Variants in HMGCLL1 observed in about 807,000 individuals in gnomAD.
HMGCLL1 encodes 3-hydroxymethyl-3-methylglutaryl-CoA lyase, cytoplasmic.
Under a neutral mutation model 39.1 loss-of-function variants are expected in HMGCLL1, and 36 were observed. The observed-to-expected ratio is 0.92, with a 90% confidence interval of 0.71 to 1.22. The LOEUF is 1.22. Among genes scored for constraint, HMGCLL1 ranks in the 50% most tolerant of loss-of-function variants. The pLI is 0.00. For missense variants in HMGCLL1, 451 were observed against 416.5 expected, an observed-to-expected ratio of 1.08 and a Z score of -0.72; for synonymous variants, 149 against 144.0, an observed-to-expected ratio of 1.03 and a Z score of -0.25.
Position 55,495,491 on chromosome 6 carries a change from T to G in HMGCLL1, c.723A>C (p.Pro241=). The part of the protein sequence containing the change: ...RMLESVMKEI[P]PGALAVHCHD... ...GACAGTGAACAGCAAGAGCACCTGG[T>G]GGGATTTCTTTCATCACACTTTCCA... The change falls in exon 7 of 9, where the codon CCA becomes CCC. Residue 241 remains proline, a synonymous_variant. Transcript: ENST00000274901. 1 of 1,614,054 alleles carries G rather than the reference T, an allele frequency of 6.2e-7. No individual in the cohort carries two copies. The highest frequency in any genetic ancestry group is 8.5e-7 in the Non-Finnish European group (1 of 1,179,958).
chr6:55,632,334 T>A, the HMGCLL1 span, among the ~76,000 whole-genome samples: 16 of 151,622 alleles, frequency 1.1e-4, no homozygotes, highest in Non-Finnish European at 1.5e-5. Flanking sequence ...ATACAGCTAC[T>A]CATAATAAGC....
intron 1 of HMGCLL1, among the ~76,000 whole-genome samples, chr6:55,575,808 T>A (rs542955728): frequency 3.3e-5 from 5 of 152,296 alleles, no homozygotes; most frequent in African/African-American, 9.6e-5. Flanking sequence ...GGTGCTAAGA[T>A]CAAACTCTAT....
upstream of HMGCLL1, among the ~76,000 whole-genome samples, chr6:55,581,822 C>T (rs1277001112): frequency 3.3e-5 from 5 of 151,848 alleles, no homozygotes; most frequent in African/African-American, 1.2e-4. Context: ...TATTTCATTG[C>T]ATTTTACTCA....
the HMGCLL1 span, among the ~76,000 whole-genome samples, chr6:55,608,455 G>T: frequency 1.1e-4 from 16 of 151,974 alleles, no homozygotes; most frequent in Non-Finnish European, 1.3e-4. Context: ...GCATTTTTCA[G>T]TTAAAGTTCC....
chr6:55,436,384 G>A (rs749118201), intron 8 of HMGCLL1, among the ~76,000 whole-genome samples: 2 of 151,956 alleles, frequency 1.3e-5, no homozygotes, highest in Non-Finnish European at 2.9e-5. Flanking sequence ...GTATAAATAG[G>A]ATCAACAAAA....
At chr6:55,566,592 G>A (rs1771226399) in intron 1 of HMGCLL1, 1 of 455,780 alleles carries the variant, frequency 2.2e-6, no homozygotes, top group African/African-American at 2.0e-5. Flanking sequence ...TAACCCTGAG[G>A]GGATCATTAC....
chr6:55,552,464 A>AT (rs1770391406), intron 1 of HMGCLL1, among the ~76,000 whole-genome samples: 1 of 151,944 alleles, frequency 6.6e-6, no homozygotes, highest in Non-Finnish European at 1.5e-5. Context: ...TAAAAAATAT[A>AT]TTTTCCATCC....
intron 5 of HMGCLL1, among the ~76,000 whole-genome samples, chr6:55,511,198 A>T (rs1206253626): frequency 1.3e-5 from 2 of 152,112 alleles, no homozygotes; most frequent in Non-Finnish European, 2.9e-5. Flanking sequence ...AATTATCTAG[A>T]TTTAAAAAAA....
intron 1 of HMGCLL1, among the ~76,000 whole-genome samples, chr6:55,571,101 T>G (rs1433854877): frequency 6.6e-6 from 1 of 152,204 alleles, no homozygotes; most frequent in African/African-American, 2.4e-5. Context: ...GAGCTACAAT[T>G]CAAGTGAGAT....
intron 3 of HMGCLL1, among the ~76,000 whole-genome samples, chr6:55,525,514 T>C (rs1357554718): frequency 2.0e-5 from 3 of 151,932 alleles, no homozygotes; most frequent in Non-Finnish European, 4.4e-5. Context: ...TTTATCTTGT[T>C]AACTAAGCCA....
chr6:55,529,068 G>A (rs1768487367), intron 3 of HMGCLL1, among the ~76,000 whole-genome samples: 1 of 152,068 alleles, frequency 6.6e-6, no homozygotes. Flanking sequence ...AGTTTCCTAA[G>A]ATAAACATAA....
chr6:55,458,242 C>A (rs1042532328), intron 7 of HMGCLL1, among the ~76,000 whole-genome samples: 1 of 150,924 alleles, frequency 6.6e-6, no homozygotes, highest in African/African-American at 2.5e-5. Flanking sequence ...TTATTGAGTT[C>A]TTATATTGTT....
At chr6:55,495,300 TAA>T in intron 7 of HMGCLL1, 117 bp downstream of exon 7, 1 of 822,652 alleles carries the variant, frequency 1.2e-6, no homozygotes, top group Non-Finnish European at 1.8e-6. Flanking sequence ...AGACACTGGT[TAA>T]AATTAGATTC....
intron 7 of HMGCLL1, 130 bp from the exon 8 acceptor site, chr6:55,439,689 C>T (rs955863888): frequency 1.1e-5 from 11 of 962,926 alleles, no homozygotes; most frequent in Non-Finnish European, 1.7e-5. Flanking sequence ...TTCACTTACC[C>T]AGTGGCCTCT....
intron 1 of HMGCLL1, among the ~76,000 whole-genome samples, chr6:55,565,803 T>C (rs9367642): frequency 0.43 from 65,349 of 151,780 alleles, 14,169 homozygotes; most frequent in East Asian, 0.55. Context: ...TAAGTGATAG[T>C]AGACATTCAT....
intron 1 of HMGCLL1, among the ~76,000 whole-genome samples, chr6:55,557,260 T>C (rs1247284349): frequency 6.6e-6 from 1 of 152,232 alleles, no homozygotes; most frequent in East Asian, 1.9e-4. Flanking sequence ...AATCTGATCC[T>C]GCTTAAGGGG....
At chr6:55,460,706 C>CAA (rs1764523834) in intron 7 of HMGCLL1, among the ~76,000 whole-genome samples, 2 of 151,974 alleles carry the variant, frequency 1.3e-5, no homozygotes, top group South Asian at 4.1e-4. Flanking sequence ...AAACACTTTT[C>CAA]TAAAATAAAT....
chr6:55,629,395 A>G, the HMGCLL1 span, among the ~76,000 whole-genome samples: 1 of 152,176 alleles, frequency 6.6e-6, no homozygotes, highest in African/African-American at 2.4e-5. Context: ...TCAAGAGATG[A>G]CCTGGGTGCT....
chr6:55,658,360 A>G, the HMGCLL1 span, among the ~76,000 whole-genome samples: 1 of 152,004 alleles, frequency 6.6e-6, no homozygotes, highest in African/African-American at 2.4e-5. Flanking sequence ...CAACAAAAAT[A>G]TCATCTCTGA....
Sources: allele counts gnomAD v4.1 joint callset (sites outside exome capture counted in the v4.1 genomes callset), GRCh38; gene constraint gnomAD v4.1.1; transcripts MANE v1.5; gene names NCBI Gene and HGNC (gene_info 2026-07-23, HGNC 2026-07-21).